The following PACRG variants were observed in gnomAD, a reference collection of about 807,000 sequenced individuals.
PACRG encodes parkin coregulated gene protein.
PACRG carries 29 observed loss-of-function variants against 29.7 expected under a neutral mutation model. That is an observed-to-expected ratio of 0.98 (90% confidence interval 0.73 to 1.33). The LOEUF (loss-of-function observed/expected upper bound fraction) is 1.33, where lower values mean the gene tolerates loss of function less well. Ranked by LOEUF, PACRG falls within the 40% of genes most tolerant of loss-of-function variation. The pLI is 0.00. For synonymous variants in PACRG, 116 were observed against 118.7 expected, an observed-to-expected ratio of 0.98 and a Z score of 0.15; for missense variants, 279 against 316.2, an observed-to-expected ratio of 0.88 and a Z score of 0.89.
chr6:162,931,921 G>C (rs917226897), intron 2 of PACRG, among the ~76,000 whole-genome samples: 1 of 151,954 alleles, frequency 6.6e-6, no homozygotes, highest in African/African-American at 2.4e-5. Context: ...TATCCAGAAG[G>C]AAAGAAAATG....
At chr6:163,141,449 T>TTG (rs1286542043) in intron 4 of PACRG, among the ~76,000 whole-genome samples, 2 of 151,338 alleles carry the variant, frequency 1.3e-5, no homozygotes, top group African/African-American at 2.4e-5. Flanking sequence ...TATGTGTTTT[T>TTG]TTTTTTTTTA....
At chr6:163,054,804 T>C (rs1810400468) in intron 2 of PACRG, among the ~76,000 whole-genome samples, 3 of 152,082 alleles carry the variant, frequency 2.0e-5, no homozygotes. Flanking sequence ...GCCAGGCTAC[T>C]CCCTGCGGCA....
At chr6:162,976,570 G>T (rs965579311) in intron 2 of PACRG, among the ~76,000 whole-genome samples, 2 of 152,216 alleles carry the variant, frequency 1.3e-5, no homozygotes, top group East Asian at 3.8e-4. Context: ...TAACTCTGGT[G>T]TATAGATGTA....
intron 2 of PACRG, among the ~76,000 whole-genome samples, chr6:162,867,498 T>C (rs1390135045): frequency 6.6e-6 from 1 of 152,080 alleles, no homozygotes; most frequent in African/African-American, 2.4e-5. Flanking sequence ...GTCCCTACCT[T>C]GAAGCCGCTT....
At chr6:162,975,959 C>T (rs980663501) in intron 2 of PACRG, among the ~76,000 whole-genome samples, 2 of 152,174 alleles carry the variant, frequency 1.3e-5, no homozygotes, top group African/African-American at 2.4e-5. Context: ...TCCAGTGAGG[C>T]GATTGACAGA....
intron 1 of PACRG, among the ~76,000 whole-genome samples, chr6:162,811,383 T>C (rs1348721353): frequency 6.6e-6 from 1 of 152,146 alleles, no homozygotes; most frequent in Non-Finnish European, 1.5e-5. Flanking sequence ...GTTTAACTAC[T>C]TAAATAAAAC....
At chr6:163,013,008 T>C (rs1805758407) in intron 2 of PACRG, among the ~76,000 whole-genome samples, 2 of 152,146 alleles carry the variant, frequency 1.3e-5, no homozygotes, top group Non-Finnish European at 2.9e-5. Flanking sequence ...TTTTGAAGAC[T>C]TCAGATGAAA....
At chr6:162,932,988 T>A (rs1432685853) in intron 2 of PACRG, among the ~76,000 whole-genome samples, 1 of 152,060 alleles carries the variant, frequency 6.6e-6, no homozygotes, top group Non-Finnish European at 1.5e-5. Context: ...TTGATTTAGG[T>A]GTTTATTGCT....
At chr6:163,171,222 A>C (rs2747692) in intron 4 of PACRG, among the ~76,000 whole-genome samples, 51,018 of 151,904 alleles carry the variant, frequency 0.34, 10,040 homozygotes, top group Middle Eastern at 0.47. Flanking sequence ...ATTTTGAAGA[A>C]AGATAAAGAA....
chr6:162,844,247 G>C (rs552706196), intron 2 of PACRG, among the ~76,000 whole-genome samples: 5 of 152,076 alleles, frequency 3.3e-5, no homozygotes, highest in Non-Finnish European at 7.4e-5. Flanking sequence ...AGCAACCAGC[G>C]AGACTCCGTG....
intron 2 of PACRG, among the ~76,000 whole-genome samples, chr6:162,926,542 A>G (rs1001801055): frequency 2.0e-5 from 3 of 152,170 alleles, no homozygotes; most frequent in Non-Finnish European, 4.4e-5. Context: ...GGCAAAAACA[A>G]GCCATGGGGA....
intron 4 of PACRG, among the ~76,000 whole-genome samples, chr6:163,154,723 T>C (rs1778242313): frequency 6.6e-6 from 1 of 152,210 alleles, no homozygotes; most frequent in Non-Finnish European, 1.5e-5. Flanking sequence ...ATTTAAGACA[T>C]GCTTATACTA....
intron 4 of PACRG, among the ~76,000 whole-genome samples, chr6:163,223,794 G>C (rs538719685): frequency 2.2e-4 from 33 of 152,130 alleles, no homozygotes; most frequent in Non-Finnish European, 4.0e-4. Context: ...TCCACAAACA[G>C]GCAGAATGGC....
chr6:162,871,351 A>G (rs1792786609), intron 2 of PACRG, among the ~76,000 whole-genome samples: 1 of 152,244 alleles, frequency 6.6e-6, no homozygotes, highest in Non-Finnish European at 1.5e-5. Flanking sequence ...GTATTTCCCC[A>G]AGGTCTTACA....
In PACRG at chr6:163,296,244, A is replaced by G. The variant is rs557964908; in HGVS notation, c.614-18583A>G. Among the ~76,000 whole-genome samples the G allele has an allele frequency of 3.9e-5, 6 of 152,338 alleles. No homozygotes were observed. In the East Asian group the frequency reaches 7.7e-4, roughly 20 times the overall value. On this transcript the variant is annotated intron_variant, in intron 4 of 4. Transcript: ENST00000366888. The stretch of plus-strand genomic sequence containing the variant: ...GTGTTCCTTCAAGCAGGAAACAATC[A>G]TAACAGGACTTAAAGGAATTTAGTA...
At chr6:162,740,051 TACTA>T (rs1412171893) in intron 1 of PACRG, among the ~76,000 whole-genome samples, 1 of 152,178 alleles carries the variant, frequency 6.6e-6, no homozygotes. Flanking sequence ...CATCTATGAA[TACTA>T]ACTGAGTACT....
At chr6:163,146,186 A>G (rs1314684062) in intron 4 of PACRG, among the ~76,000 whole-genome samples, 1 of 152,144 alleles carries the variant, frequency 6.6e-6, no homozygotes, top group African/African-American at 2.4e-5. Flanking sequence ...CACACATTTA[A>G]TGACCAGGAG....
intron 4 of PACRG, among the ~76,000 whole-genome samples, chr6:163,241,728 G>C (rs183406716): frequency 5.6e-4 from 85 of 152,308 alleles, no homozygotes; most frequent in Non-Finnish European, 4.4e-4. Flanking sequence ...GAAGGTAGGA[G>C]GTTGATTTCT....
intron 1 of PACRG, among the ~76,000 whole-genome samples, chr6:162,732,056 G>A (rs1049197131): frequency 6.6e-6 from 1 of 152,136 alleles, no homozygotes; most frequent in Admixed American, 6.5e-5. Context: ...AGTGGAAGCA[G>A]AGAGCTTCCC....
Sources: allele counts gnomAD v4.1 joint callset (sites outside exome capture counted in the v4.1 genomes callset), GRCh38; gene constraint gnomAD v4.1.1; transcripts MANE v1.5; gene names NCBI Gene and HGNC (gene_info 2026-07-23, HGNC 2026-07-21).